FBLIM1: variants seen among roughly 807,000 people sequenced by gnomAD.
The protein encoded by FBLIM1 is filamin binding LIM protein 1.
Under a neutral mutation model 37.4 loss-of-function variants are expected in FBLIM1, and 29 were observed. The ratio of observed to expected loss-of-function variants is 0.77; its 90% CI spans 0.58 to 1.06. The LOEUF (loss-of-function observed/expected upper bound fraction) is 1.06. FBLIM1 is among the 50% of genes least tolerant of loss of function. FBLIM1 has a pLI of 0.00. For synonymous variants in FBLIM1, 193 were observed against 199.0 expected (o/e 0.97, Z 0.25); for missense variants, 449 against 505.6 (o/e 0.89, Z 1.07).
upstream of FBLIM1, among the ~76,000 whole-genome samples, chr1:15,757,098 G>C (rs76794757): frequency 0.022 from 3,286 of 152,294 alleles, 45 homozygotes; most frequent in South Asian, 0.051. The surrounding 1 kb of genome is among the most constrained non-coding windows in gnomAD (Gnocchi z 4.1). Flanking sequence ...CTGGAGTTTT[G>C]GGGGGCAGGG....
At chr1:15,770,303 C>T in intron 5 of FBLIM1, 106 bp from the exon 6 acceptor site, 1 of 1,210,876 alleles carries the variant, frequency 8.3e-7, no homozygotes, top group Middle Eastern at 2.9e-4. Context: ...GAGGAATTTG[C>T]AGGGTTTAAG....
At chr1:15,767,057 A>T (rs547432736) in intron 3 of FBLIM1, among the ~76,000 whole-genome samples, 31 of 151,632 alleles carry the variant, frequency 2.0e-4, no homozygotes, top group Admixed American at 1.4e-3. Flanking sequence ...GCCTGGCTAC[A>T]TTTTTTTTAA....
At chr1:15,782,028 A>AT (rs1206503593) in intron 8 of FBLIM1, among the ~76,000 whole-genome samples, 4 of 151,732 alleles carry the variant, frequency 2.6e-5, no homozygotes, top group Non-Finnish European at 4.4e-5. Context: ...TGTAGGTAGT[A>AT]TTTTTTAATT....
intron 4 of FBLIM1, 91 bp downstream of exon 4, chr1:15,767,654 A>C: frequency 1.9e-6 from 1 of 527,778 alleles, no homozygotes. Flanking sequence ...AGGGGTTCTA[A>C]ACCTGGACTT....
At chr1:15,768,771 C>G in intron 5 of FBLIM1, 141 bp downstream of exon 5, 1 of 516,014 alleles carries the variant, frequency 1.9e-6, no homozygotes. Context: ...TGTAGTTCGG[C>G]ATCCATTTAA....
chr1:15,782,507 G>A (rs1333044034), intron 8 of FBLIM1, among the ~76,000 whole-genome samples: 1 of 152,024 alleles, frequency 6.6e-6, no homozygotes, highest in Non-Finnish European at 1.5e-5. Flanking sequence ...TTCAGCCACC[G>A]CACAGCTGCC....
chr1:15,770,108 G>A (rs997510934), intron 5 of FBLIM1, among the ~76,000 whole-genome samples: 2 of 150,796 alleles, frequency 1.3e-5, no homozygotes, highest in Admixed American at 6.6e-5. Context: ...CACTATGCCC[G>A]GCTAATTTTT....
chr1:15,761,194 G>A (rs553747056), intron 1 of FBLIM1, among the ~76,000 whole-genome samples: 6 of 152,280 alleles, frequency 3.9e-5, no homozygotes, highest in African/African-American at 1.2e-4. Context: ...GGAACATGCC[G>A]ACCACAAGAT....
chr1:15,763,496 C>G (rs1471120354), intron 1 of FBLIM1, among the ~76,000 whole-genome samples: 3 of 150,238 alleles, frequency 2.0e-5, no homozygotes, highest in Non-Finnish European at 4.4e-5. Flanking sequence ...ATTAGCCGGG[C>G]GTGGTGGCGG....
chr1:15,774,186 C>T (rs983705415), intron 6 of FBLIM1, among the ~76,000 whole-genome samples: 10 of 152,084 alleles, frequency 6.6e-5, no homozygotes, highest in South Asian at 2.1e-4. Flanking sequence ...GGTTTCTAAA[C>T]GTGAAATGTG....
intron 6 of FBLIM1, among the ~76,000 whole-genome samples, chr1:15,771,666 G>A (rs1045611929): frequency 1.1e-4 from 17 of 151,920 alleles, no homozygotes; most frequent in African/African-American, 3.9e-4. Flanking sequence ...AGGGACACGC[G>A]ATGGCATTTA....
intron 6 of FBLIM1, among the ~76,000 whole-genome samples, chr1:15,771,605 A>C (rs935808095): frequency 6.6e-6 from 1 of 152,018 alleles, no homozygotes; most frequent in Non-Finnish European, 1.5e-5. Context: ...CAAAGCCAGC[A>C]GTGTAGCATC....
intron 6 of FBLIM1, 40 bp downstream of exon 6, chr1:15,770,618 C>A (rs769853622): frequency 6.2e-7 from 1 of 1,603,926 alleles, no homozygotes; most frequent in East Asian, 2.2e-5. Context: ...AGGCAGTGAG[C>A]TGAGCACTTA....
At chr1:15,772,002 G>GA (rs898135942) in intron 6 of FBLIM1, among the ~76,000 whole-genome samples, 6 of 152,066 alleles carry the variant, frequency 3.9e-5, no homozygotes, top group African/African-American at 1.2e-4. Flanking sequence ...AGCCAGCTGG[G>GA]ATGCCAGCAC....
In FBLIM1 at chr1:15,767,439, C is replaced by G; in HGVS notation, c.314C>G (p.Pro105Arg). 1 of 1,550,760 alleles carries G rather than the reference C, an allele frequency of 6.4e-7. No homozygotes were observed. The change falls in exon 4 of 9, where the codon CCA becomes CGA. Residue 105 changes from proline (P) to arginine (R), a missense_variant. By Grantham distance (103) the Pro-to-Arg change is moderately radical. Transcript: ENST00000375766. Reference protein sequence around the residue: ...EDVLPDLDLLPPPPPPPPVLL... With the variant: ...EDVLPDLDLLRPPPPPPPVLL... ...GTGCTTCCTGACCTGGACCTCCTCC[C>G]ACCCCCTCCACCGCCCCCTCCAGTG...
rs1222122879 is a variant in FBLIM1, at chr1:15,783,606, C to T, written c.1009-942C>T. Among the ~76,000 whole-genome samples the T allele has an allele frequency of 1.4e-4, 17 of 125,490 alleles. No homozygotes were observed. The East Asian group carries it at 3.5e-3, about 26-fold the overall frequency. The allele number at this position is 125,490 out of a possible 152,430, so 82.3% of individuals were successfully genotyped here. A position where few individuals can be genotyped will look rare whatever the true frequency, so the allele number is the denominator to read the frequency against. On this transcript the variant is annotated intron_variant, in intron 8 of 8. Coordinates refer to ENST00000375766, the MANE Select transcript of FBLIM1 (RefSeq NM_017556.4). ...TTTTTTTTTTTTTGAGATGGAGTCT[C>T]GCTCTGTCACCCGGGCTGGAGTGTA...
chr1:15,781,212 C>T (rs1421371841), intron 8 of FBLIM1, among the ~76,000 whole-genome samples: 1 of 151,860 alleles, frequency 6.6e-6, no homozygotes, highest in African/African-American at 2.4e-5. Context: ...ACAAAAATTA[C>T]CTGGGTGTGG....
chr1:15,780,548 G>A (rs372495345), intron 8 of FBLIM1, among the ~76,000 whole-genome samples: 7 of 152,220 alleles, frequency 4.6e-5, no homozygotes, highest in South Asian at 4.1e-4. Flanking sequence ...GTCCTAGATC[G>A]TACAAATTAT....
chr1:15,764,912 G>T, intron 2 of FBLIM1, 52 bp from the exon 3 acceptor site: 1 of 1,532,030 alleles, frequency 6.5e-7, no homozygotes, highest in Non-Finnish European at 8.7e-7. Flanking sequence ...TCGGGGGAGG[G>T]TGGCTGTGTG....
Sources: gnomAD v4.1 joint callset for allele counts (sites outside exome capture counted in the v4.1 genomes callset) on GRCh38, gnomAD v4.1.1 for gene constraint, Gnocchi (gnomAD v3.1) non-coding constraint, MANE v1.5 for transcripts, NCBI Gene and HGNC (gene_info 2026-07-23, HGNC 2026-07-21) for gene names.